The following CCDC63 variants were observed in gnomAD, a reference collection of about 807,000 sequenced individuals.
CCDC63 encodes the protein coiled-coil domain containing 63.
CCDC63 carries 54 observed loss-of-function variants against 63.6 expected under a neutral mutation model. The observed-to-expected ratio is 0.85, with a 90% CI of 0.68 to 1.07. The LOEUF is 1.07. Ranked by LOEUF, CCDC63 falls within the 50% of genes least tolerant of loss-of-function variation. CCDC63 has a pLI of 0.00. For synonymous variants in CCDC63, 253 were observed against 266.1 expected (o/e 0.95, Z 0.48); for missense variants, 637 against 689.6 (o/e 0.92, Z 0.86).
chr12:110,885,307 TGGCGAGA>T (rs1485390086), intron 8 of CCDC63, among the ~76,000 whole-genome samples: 8 of 152,344 alleles, frequency 5.3e-5, no homozygotes, highest in Non-Finnish European at 7.3e-5. Flanking sequence ...ATTCTCATCT[TGGCGAGA>T]CTTGATGCAC....
At chr12:110,844,549 T>G (rs2070619615), upstream of CCDC63, among the ~76,000 whole-genome samples, 1 of 152,192 alleles carries the variant, frequency 6.6e-6, no homozygotes, top group South Asian at 2.1e-4. Flanking sequence ...GTTCTTCCTT[T>G]CTGTCTGATA....
At chr12:110,890,632 G>GAC (rs897317451) in intron 8 of CCDC63, among the ~76,000 whole-genome samples, 4 of 124,876 alleles carry the variant, frequency 3.2e-5, no homozygotes, top group Non-Finnish European at 5.0e-5. Context: ...CACATAGACA[G>GAC]ACACACACAC....
In CCDC63 at chr12:110,889,433, C is replaced by T. The variant is rs2071328995; in HGVS notation, c.1075-3643C>T. Among the ~76,000 whole-genome samples the T allele has an allele frequency of 6.6e-6, 1 of 152,064 alleles. No homozygotes were observed. Among genetic ancestry groups the T allele is most frequent in the Non-Finnish European group, 1.5e-5 (1 of 68,016 alleles). On this transcript the variant is annotated intron_variant, in intron 8 of 11. Transcript: ENST00000308208. This position sits in a 1 kb window ranked among gnomAD's most constrained non-coding sequence, Gnocchi z 4.1. ...TTTTGGAGCCGGTTGGGGCCCCGGG[C>T]AGTTGAGAAGTTAAGATCTGAGTGA...
chr12:110,853,882 CA>C (rs992943522), intron 3 of CCDC63, among the ~76,000 whole-genome samples: 4 of 152,212 alleles, frequency 2.6e-5, no homozygotes, highest in Non-Finnish European at 5.9e-5. Flanking sequence ...TTTCTCCGCA[CA>C]TGACTTCTGT....
intron 8 of CCDC63, 127 bp downstream of exon 8, chr12:110,884,377 C>T: frequency 5.9e-6 from 4 of 681,554 alleles, no homozygotes; most frequent in Admixed American, 2.5e-5. Flanking sequence ...CGCTCTATTC[C>T]CCTTACATTT....
chr12:110,868,522 G>A (rs2071009716), intron 4 of CCDC63, among the ~76,000 whole-genome samples: 4 of 150,450 alleles, frequency 2.7e-5, no homozygotes, highest in Admixed American at 2.0e-4. Flanking sequence ...TCGCGGTTAG[G>A]GGCTGGAGAC....
intron 7 of CCDC63, 85 bp downstream of exon 7, chr12:110,881,381 C>A: frequency 7.4e-7 from 1 of 1,358,844 alleles, no homozygotes; most frequent in Non-Finnish European, 1.0e-6. Flanking sequence ...GTGAAGGTGC[C>A]CAAGTCTCCT....
intron 3 of CCDC63, among the ~76,000 whole-genome samples, chr12:110,854,944 G>A (rs1012604998): frequency 6.6e-6 from 1 of 152,052 alleles, no homozygotes; most frequent in Non-Finnish European, 1.5e-5. Context: ...GATCACAGGC[G>A]TGTGCCAGCA....
chr12:110,874,078 G>A, intron 5 of CCDC63, 117 bp downstream of exon 5: 8 of 1,353,236 alleles, frequency 5.9e-6, no homozygotes, highest in Non-Finnish European at 1.0e-6. Flanking sequence ...TGACTCAGGA[G>A]CAGGTGAACT....
intron 4 of CCDC63, among the ~76,000 whole-genome samples, chr12:110,862,942 T>G (rs1453252558): frequency 1.3e-5 from 2 of 151,736 alleles, no homozygotes; most frequent in Non-Finnish European, 2.9e-5. Context: ...TTTTAGTAGA[T>G]ATGGAGTTTC....
chr12:110,863,478 TTTG>T (rs2070891097), intron 4 of CCDC63, among the ~76,000 whole-genome samples: 1 of 152,042 alleles, frequency 6.6e-6, no homozygotes, highest in Admixed American at 6.6e-5. Context: ...AGGGTAGAGG[TTTG>T]TTGTTATTAT....
chr12:110,877,442 G>T (rs945702380), intron 5 of CCDC63, among the ~76,000 whole-genome samples: 4 of 151,990 alleles, frequency 2.6e-5, no homozygotes, highest in Admixed American at 2.6e-4. Flanking sequence ...TCAAACGCCT[G>T]ACCTCACTCA....
chr12:110,871,378 T>A (rs1168206990), intron 4 of CCDC63, among the ~76,000 whole-genome samples: 1 of 152,128 alleles, frequency 6.6e-6, no homozygotes, highest in African/African-American at 2.4e-5. Context: ...CCTGACCTCA[T>A]GATCCACCTG....
intron 4 of CCDC63, among the ~76,000 whole-genome samples, chr12:110,867,699 A>C (rs1191286589): frequency 1.8e-5 from 1 of 57,024 alleles, no homozygotes. Flanking sequence ...GGCCGGGCGG[A>C]GGGCTGACCC....
intron 4 of CCDC63, among the ~76,000 whole-genome samples, chr12:110,862,134 G>A (rs2070861982): frequency 6.6e-6 from 1 of 152,204 alleles, no homozygotes; most frequent in Admixed American, 6.5e-5. Context: ...AGGTGACAAA[G>A]GAGGCAATAA....
intron 6 of CCDC63, among the ~76,000 whole-genome samples, 174 bp from the exon 7 acceptor site, chr12:110,880,941 G>C (rs1268852173): frequency 1.3e-5 from 2 of 149,442 alleles, no homozygotes; most frequent in Non-Finnish European, 3.0e-5. Flanking sequence ...GTGATCTAGA[G>C]CTTACAGCTC....
chr12:110,881,726 A>AT (rs2071212022), intron 7 of CCDC63, among the ~76,000 whole-genome samples: 1 of 152,142 alleles, frequency 6.6e-6, no homozygotes, highest in Middle Eastern at 3.4e-3. Flanking sequence ...TCAAAAAAAA[A>AT]ATGCCTAGTT....
chr12:110,892,944 C>T, intron 8 of CCDC63, 132 bp from the exon 9 acceptor site: 1 of 680,642 alleles, frequency 1.5e-6, no homozygotes, highest in Non-Finnish European at 2.5e-6. Context: ...CTAAGAGGGG[C>T]CCAGGTGTTT....
intron 8 of CCDC63, among the ~76,000 whole-genome samples, chr12:110,891,969 A>C (rs557899579): frequency 9.6e-4 from 146 of 152,338 alleles, no homozygotes; most frequent in African/African-American, 3.5e-3. Context: ...TTTCTATCAG[A>C]GCACATGGTT....
Sources: gnomAD v4.1 joint callset for allele counts (sites outside exome capture counted in the v4.1 genomes callset) on GRCh38, gnomAD v4.1.1 for gene constraint, Gnocchi (gnomAD v3.1) non-coding constraint, MANE v1.5 for transcripts, NCBI Gene and HGNC (gene_info 2026-07-23, HGNC 2026-07-21) for gene names.